TPR: variants seen among roughly 807,000 people sequenced by gnomAD.
TPR encodes the protein translocated promoter region, nuclear basket protein.
In TPR, 51 loss-of-function variants were observed where a neutral mutation model predicts 316.1. The observed-to-expected ratio is 0.16, with a 90% confidence interval of 0.13 to 0.20. TPR has a LOEUF of 0.20. TPR is among the 10% of genes least tolerant of loss of function. TPR has a pLI of 1.00. For synonymous variants in TPR, 981 were observed against 914.7 expected, an observed-to-expected ratio of 1.07 and a Z score of -1.31; for missense variants, 2,272 against 2,754.8, an observed-to-expected ratio of 0.82 and a Z score of 3.92.
chr1:186,364,382 TA>T (rs1436701648), intron 4 of TPR, among the ~76,000 whole-genome samples: 384 of 141,624 alleles, frequency 2.7e-3, no homozygotes, highest in Admixed American at 2.9e-3. Flanking sequence ...GACCGTTGTT[TA>T]AAAAAAAAAA....
rs574195288 is a variant in TPR at position 186,374,772 on chromosome 1, G to A, written c.151+106C>T. On this transcript the variant is annotated intron_variant, in intron 1 of 50. Transcript: ENST00000367478. ...TCAGGATATCCACAGAGCCCAGGAAGTGAGGTTAACAGAGCGGTACCCAGT... is the reference window on the plus strand; with the variant it reads ...TCAGGATATCCACAGAGCCCAGGAAATGAGGTTAACAGAGCGGTACCCAGT... 190 of 1,203,044 alleles carry A rather than the reference G, an allele frequency of 1.6e-4. No homozygotes were observed. In the African/African-American group the frequency reaches 2.6e-3, roughly 16 times the overall value. 74.5% of individuals were successfully genotyped at this position (1,203,044 alleles called of 1,614,324 possible).
At chr1:186,314,273 T>C in intron 50 of TPR, 1 of 455,874 alleles carries the variant, frequency 2.2e-6, no homozygotes, top group Non-Finnish European at 3.8e-6. Flanking sequence ...AGCTAAAACA[T>C]AATCACAAAG....
At chr1:186,318,974 C>A in intron 46 of TPR, 146 bp from the exon 47 acceptor site, 12 of 788,068 alleles carry the variant, frequency 1.5e-5, no homozygotes, top group South Asian at 3.8e-5. Context: ...AGCAAAAATC[C>A]ATCTCTCAAA....
At chr1:186,346,699 G>A (rs1165627437) in intron 22 of TPR, among the ~76,000 whole-genome samples, 1 of 151,712 alleles carries the variant, frequency 6.6e-6, no homozygotes, top group African/African-American at 2.4e-5. Flanking sequence ...AATGAACACG[G>A]TATCTTCCAA....
chr1:186,371,838 T>C (rs1249175264), intron 2 of TPR, among the ~76,000 whole-genome samples: 1 of 152,158 alleles, frequency 6.6e-6, no homozygotes, highest in Admixed American at 6.5e-5. Context: ...GACTTACTGA[T>C]CCAGAGTATA....
At chr1:186,355,789 A>C in intron 15 of TPR, 21 bp from the exon 16 acceptor site, 6 of 1,609,490 alleles carry the variant, frequency 3.7e-6, no homozygotes, top group Non-Finnish European at 5.1e-6. Flanking sequence ...GTAAAGACTA[A>C]TAAAATGCTT....
At chr1:186,352,178 A>T (rs1658882049) in intron 18 of TPR, 68 bp from the exon 19 acceptor site, 2 of 1,425,668 alleles carry the variant, frequency 1.4e-6, no homozygotes, top group Admixed American at 2.7e-5. Flanking sequence ...AAGATTATAA[A>T]ATTAAAATGA....
intron 40 of TPR, among the ~76,000 whole-genome samples, 164 bp from the exon 41 acceptor site, chr1:186,326,399 T>C (rs1318360882): frequency 6.6e-6 from 1 of 152,126 alleles, no homozygotes; most frequent in African/African-American, 2.4e-5. Flanking sequence ...ATACCACAAC[T>C]GTGATACTTA....
At chr1:186,347,646 A>T (rs1207652756) in intron 21 of TPR, among the ~76,000 whole-genome samples, 188 bp from the exon 22 acceptor site, 1 of 152,268 alleles carries the variant, frequency 6.6e-6, no homozygotes, top group African/African-American at 2.4e-5. Context: ...AAACAAAAAA[A>T]TTCAAATATT....
At position 186,350,345 on chromosome 1, in the gene TPR, T is replaced by C. The variant is rs754665131; in HGVS notation, c.2654A>G (p.Asn885Ser). ...DTKRQLDTET[N>S]LHLNTKELLK... ...TAGTTCTTTTGTGTTAAGATGAAGATTTGTCTCTGTATCCAGTTGTCTCTT... is the reference window on the plus strand; with the variant it reads ...TAGTTCTTTTGTGTTAAGATGAAGACTTGTCTCTGTATCCAGTTGTCTCTT... Residue 885 changes from asparagine to serine, a missense_variant, in exon 21 of 51, where the codon AAT becomes AGT. Asn to Ser is a conservative substitution (Grantham distance 46). Coordinates refer to ENST00000367478, the MANE Select transcript of TPR (RefSeq NM_003292.3). 2 of 1,612,658 alleles carry C rather than the reference T, an allele frequency of 1.2e-6. No homozygotes were observed. Among genetic ancestry groups the C allele is most frequent in the Non-Finnish European group, 1.7e-6 (2 of 1,179,270 alleles).
intron 43 of TPR, 88 bp downstream of exon 43, chr1:186,323,596 CAA>C (rs1006884029): frequency 1.0e-4 from 124 of 1,243,692 alleles, no homozygotes; most frequent in African/African-American, 3.5e-4. Context: ...TTAAAAAAAC[CAA>C]GAGAGAGAGA....
chr1:186,333,153 C>A lies in TPR; in HGVS notation c.5424G>T (p.Arg1808=), dbSNP rs760709292. The change falls in exon 37 of 51, where the codon CGG becomes CGT. Residue 1808 remains arginine (R), a synonymous_variant. Transcript: ENST00000367478. ...CAAATACTGCTGTGGAAGTAGAAGGCCGCTCAACTGGTGAACTCTGAACAA... is the reference window on the plus strand; with the variant it reads ...CAAATACTGCTGTGGAAGTAGAAGGACGCTCAACTGGTGAACTCTGAACAA... The part of the protein sequence containing the change: ...VEVVQSSPVE[R]PSTSTAVFGT... 16 of 1,613,282 alleles carry A rather than the reference C, an allele frequency of 9.9e-6. No individual in the cohort carries two copies. The South Asian group carries it at 1.4e-4, about 14-fold the overall frequency.
At chr1:186,326,344 A>G in intron 40 of TPR, 109 bp from the exon 41 acceptor site, 1 of 1,489,938 alleles carries the variant, frequency 6.7e-7, no homozygotes, top group South Asian at 1.3e-5. Flanking sequence ...ATCAGAAGAT[A>G]GGAATTGTCC....
At chr1:186,323,331 T>G (rs2273775) in intron 43 of TPR, among the ~76,000 whole-genome samples, 13,862 of 152,194 alleles carry the variant, frequency 0.091, 942 homozygotes, top group East Asian at 0.38. Context: ...TATAAATACG[T>G]GCACTGTAGA....
intron 36 of TPR, 116 bp downstream of exon 36, chr1:186,334,209 T>C: frequency 3.6e-6 from 4 of 1,107,498 alleles, no homozygotes; most frequent in Non-Finnish European, 5.0e-6. Flanking sequence ...ACACCCATTT[T>C]TACAATGACG....
chr1:186,347,186 C>T (rs980559000), intron 22 of TPR, 106 bp downstream of exon 22: 25 of 1,223,446 alleles, frequency 2.0e-5, no homozygotes, highest in Non-Finnish European at 2.6e-5. Flanking sequence ...AGGCAATGAC[C>T]CTGGTCTAAT....
At chr1:186,335,945 G>C in intron 33 of TPR, among the ~76,000 whole-genome samples, 1 of 151,988 alleles carries the variant, frequency 6.6e-6, no homozygotes. Flanking sequence ...CACTGTCTTA[G>C]AGATCATTTT....
chr1:186,346,045 G>T, intron 23 of TPR, 90 bp downstream of exon 23: 2 of 1,414,720 alleles, frequency 1.4e-6, no homozygotes, highest in Non-Finnish European at 9.5e-7. Context: ...AATTTCTGTT[G>T]AGATGAACTA....
At chr1:186,337,491 A>G (rs1158710960) in intron 31 of TPR, among the ~76,000 whole-genome samples, 3 of 152,164 alleles carry the variant, frequency 2.0e-5, no homozygotes, top group Non-Finnish European at 4.4e-5. Flanking sequence ...CGTCGCTTAC[A>G]TGTATGAAAA....
Sources: gnomAD v4.1 joint callset for allele counts (sites outside exome capture counted in the v4.1 genomes callset) on GRCh38, gnomAD v4.1.1 for gene constraint, MANE v1.5 for transcripts, NCBI Gene and HGNC (gene_info 2026-07-23, HGNC 2026-07-21) for gene names.